CACNA1F: variants seen among roughly 807,000 people sequenced by gnomAD.
CACNA1F encodes the protein voltage-dependent L-type calcium channel subunit alpha-1F.
A neutral mutation model predicts 143.8 loss-of-function variants in CACNA1F; 59 were observed. The ratio of observed to expected loss-of-function variants is 0.41; its 90% CI spans 0.33 to 0.51. The LOEUF (loss-of-function observed/expected upper bound fraction) is 0.51, where lower values mean the gene tolerates loss of function less well. CACNA1F is among the 20% of genes least tolerant of loss of function. The pLI, the probability that CACNA1F is intolerant of heterozygous loss-of-function variation, is 0.22. For missense variants in CACNA1F, 1,411 were observed against 1,647.5 expected (o/e 0.86, Z 2.48); for synonymous variants, 643 against 649.1 (o/e 0.99, Z 0.14).
chrX:49,222,284 T>G, intron 17 of CACNA1F: 1 of 407,814 alleles, frequency 2.5e-6, no homozygotes, highest in Non-Finnish European at 4.3e-6. Context: ...GTTAGTTCCA[T>G]GAAGGCAAGG....
In CACNA1F at chrX:49,219,367, G is replaced by A. The variant is rs782057023; in HGVS notation, c.2627C>T (p.Ser876Phe). 3 of 1,206,321 alleles carry A rather than the reference G, an allele frequency of 2.5e-6. No individual in the cohort carries two copies. In the African/African-American group the frequency reaches 5.3e-5, roughly 21 times the overall value. The stretch of plus-strand genomic sequence containing the variant: ...TCGGATGGGGTCCTCAGCGGCCAGG[G>A]ACACACTGCTGAGGATGATGAACAC... Reference protein sequence around the residue: ...ILVFIILSSVSLAAEDPIRAH... With the variant: ...ILVFIILSSVFLAAEDPIRAH... Residue 876 changes from serine (S) to phenylalanine (F), a missense_variant, in exon 21 of 48, where the codon TCC (serine) becomes TTC (phenylalanine). By Grantham distance (155) the Ser-to-Phe change is radical. This residue lies in a region of CACNA1F where 950 missense variants were observed against 1,128.1 expected (regional missense o/e 0.84). Transcript: ENST00000323022.
intron 14 of CACNA1F, 131 bp downstream of exon 14, chrX:49,224,630 T>C (rs1415506404): frequency 5.7e-6 from 3 of 527,886 alleles, no homozygotes; most frequent in Non-Finnish European, 1.0e-5. Context: ...GTAGGGTGCC[T>C]GGCACACAGC....
intron 24 of CACNA1F, 127 bp downstream of exon 24, chrX:49,218,328 T>C (rs1186910381): frequency 2.5e-5 from 13 of 522,738 alleles, no homozygotes; most frequent in Admixed American, 3.1e-5. Flanking sequence ...GTCAGAGATG[T>C]GTATTTATGT....
Position 49,228,122 on chromosome X carries a change from C to A in CACNA1F, c.1032G>T (p.Gly344=). ...CAAAGTACACCCAGGGCAGTTCATACCCCATGGCATCTTGCATCTGGGGAG... is the reference window on the plus strand; with the variant it reads ...CAAAGTACACCCAGGGCAGTTCATAACCCATGGCATCTTGCATCTGGGGAG... ...DVLYWMQDAM[G]YELPWVYFVS... The change falls in exon 8 of 48, where the codon GGG becomes GGT. Residue 344 remains glycine, a synonymous_variant. Transcript: ENST00000323022. The A allele has an allele frequency of 8.3e-7, 1 of 1,207,377 alleles. No individual in the cohort carries two copies. Among genetic ancestry groups the A allele is most frequent in the South Asian group, 1.8e-5 (1 of 56,851 alleles).
At chrX:49,233,143 G>C in intron 1 of CACNA1F, 142 bp downstream of exon 1, 1 of 598,804 alleles carries the variant, frequency 1.7e-6, no homozygotes, top group Non-Finnish European at 2.8e-6. Flanking sequence ...AGGCTGTTTG[G>C]GGCTGGCTGG....
chrX:49,205,301 C>A lies in CACNA1F; in HGVS notation c.5737G>T (p.Glu1913Ter). Residue 1913 changes from glutamate to a stop codon, truncating the protein, a stop_gained, in exon 48 of 48, where the codon GAG becomes TAG. Coordinates refer to ENST00000323022, the MANE Select transcript of CACNA1F (RefSeq NM_001256789.3). LOFTEE classifies it high-confidence loss of function. ...DPRFVALAKQEIADACRLTLD... is the reference protein window; with the variant it reads ...DPRFVALAKQ Reference sequence around the variant, plus strand: ...GTCAGGCGACACGCATCTGCAATCTCCTGCTTGGCCAGGGCCACGAAACGT... The same window carrying A: ...GTCAGGCGACACGCATCTGCAATCTACTGCTTGGCCAGGGCCACGAAACGT... The A allele has an allele frequency of 8.3e-7, 1 of 1,210,309 alleles. No homozygotes were observed. The highest frequency in any genetic ancestry group is 1.1e-6 in the Non-Finnish European group (1 of 894,962).
intron 24 of CACNA1F, 40 bp downstream of exon 24, chrX:49,218,415 C>T: frequency 1.9e-6 from 2 of 1,077,794 alleles, no homozygotes; most frequent in Non-Finnish European, 2.5e-6. Context: ...AGGGGCAGGG[C>T]AGGGCCTGGG....
At chrX:49,217,044 C>T (rs138830049) in intron 26 of CACNA1F, among the ~76,000 whole-genome samples, 2,914 of 111,290 alleles carry the variant, frequency 0.026, 112 homozygotes, top group African/African-American at 0.091. Context: ...CTGCAACCTC[C>T]GCCTCCCGGG....
intron 18 of CACNA1F, 102 bp from the exon 19 acceptor site, chrX:49,220,626 G>C: frequency 2.9e-6 from 2 of 680,103 alleles, no homozygotes; most frequent in Non-Finnish European, 4.6e-6. Flanking sequence ...AGAATAGGCA[G>C]AGGATGAAGG....
At chrX:49,216,602 T>C (rs1043614145) in intron 26 of CACNA1F, 74 bp from the exon 27 acceptor site, 8 of 962,271 alleles carry the variant, frequency 8.3e-6, no homozygotes, top group Non-Finnish European at 1.2e-5. Flanking sequence ...GTCTCCAGCA[T>C]GGAGGCAGCA....
chrX:49,218,053 G>T, intron 24 of CACNA1F, 48 bp from the exon 25 acceptor site: 1 of 963,356 alleles, frequency 1.0e-6, no homozygotes, highest in Non-Finnish European at 1.5e-6. Context: ...GGCCACAGTG[G>T]TCATGGGGCA....
chrX:49,205,423 C>A lies in CACNA1F; in HGVS notation c.5671-56G>T, dbSNP rs2065584124. ...GACGGCACAGTGTGCACAGAAGGTT[C>A]AGTGTGGATAAATGACGTGCCCATG... On this transcript the variant is annotated intron_variant, in intron 47 of 47. Coordinates refer to ENST00000323022, the MANE Select transcript of CACNA1F (RefSeq NM_001256789.3). The A allele has an allele frequency of 7.3e-6, 7 of 952,626 alleles. No individual in the cohort carries two copies. The East Asian group carries it at 2.3e-4, about 31-fold the overall frequency. The allele number at this position is 952,626 out of a possible 1,213,427, so 78.5% of individuals were successfully genotyped here. A position where few individuals can be genotyped will look rare whatever the true frequency, so the allele number is the denominator to read the frequency against.
chrX:49,231,614 A>G (rs1303616017), intron 2 of CACNA1F, 64 bp downstream of exon 2: 3 of 1,181,912 alleles, frequency 2.5e-6, no homozygotes, highest in Non-Finnish European at 3.4e-6. Context: ...CCCTGACCCA[A>G]TTCTTTACTC....
intron 17 of CACNA1F, among the ~76,000 whole-genome samples, chrX:49,222,062 TC>T (rs2065780153): frequency 9.1e-6 from 1 of 110,138 alleles, no homozygotes; most frequent in African/African-American, 3.3e-5. Flanking sequence ...TGAATACTCT[TC>T]CCCCAGATAT....
chrX:49,225,179 G>A (rs2065812085), intron 13 of CACNA1F, among the ~76,000 whole-genome samples, 193 bp from the exon 14 acceptor site: 1 of 108,383 alleles, frequency 9.2e-6, no homozygotes, highest in Non-Finnish European at 1.9e-5. Context: ...CTTGGAGATG[G>A]GGATGAGGGG....
intron 33 of CACNA1F, 55 bp downstream of exon 33, chrX:49,212,612 T>A: frequency 8.6e-7 from 1 of 1,160,169 alleles, no homozygotes; most frequent in Non-Finnish European, 1.2e-6. Flanking sequence ...AGGGGCAGGC[T>A]GAGAAGTGTG....
At chrX:49,214,013 A>T (rs2065684908) in intron 30 of CACNA1F, 111 bp from the exon 31 acceptor site, 1 of 640,793 alleles carries the variant, frequency 1.6e-6, no homozygotes, top group Admixed American at 2.5e-5. Flanking sequence ...CTTGGATCAC[A>T]CGATGGGCCT....
At chrX:49,210,267 C>T (rs2065642844) in intron 39 of CACNA1F, 34 bp downstream of exon 39, 1 of 1,045,587 alleles carries the variant, frequency 9.6e-7, no homozygotes, top group Non-Finnish European at 1.3e-6. Flanking sequence ...GCACCCTCCC[C>T]AGGAACGATC....
At chrX:49,229,797 C>T (rs1464047412) in intron 6 of CACNA1F, among the ~76,000 whole-genome samples, 5 of 109,402 alleles carry the variant, frequency 4.6e-5, no homozygotes, top group Non-Finnish European at 9.4e-5. Flanking sequence ...TACAGGCGCC[C>T]GCCACCATGC....
Sources: gnomAD v4.1 joint callset for allele counts (sites outside exome capture counted in the v4.1 genomes callset) on GRCh38, gnomAD v4.1.1 for gene constraint, gnomAD v4.1.1 regional missense constraint, MANE v1.5 for transcripts, NCBI Gene and HGNC (gene_info 2026-07-23, HGNC 2026-07-21) for gene names.